The following RANBP17 variants were observed in gnomAD, a reference collection of about 807,000 sequenced individuals.
RANBP17 encodes the protein ran-binding protein 17.
A neutral mutation model predicts 141.2 loss-of-function variants in RANBP17; 158 were observed. The observed-to-expected ratio is 1.12, with a 90% CI of 0.98 to 1.28. RANBP17 has a LOEUF of 1.28. Among genes scored for constraint, RANBP17 ranks in the 50% most tolerant of loss-of-function variants. RANBP17 has a pLI of 0.00. For synonymous variants in RANBP17, 430 were observed against 450.0 expected (o/e 0.96, Z 0.56); for missense variants, 1,438 against 1,290.7 (o/e 1.11, Z -1.75).
intron 14 of RANBP17, among the ~76,000 whole-genome samples, chr5:170,977,102 G>C (rs1261331868): frequency 6.6e-6 from 1 of 151,960 alleles, no homozygotes; most frequent in Non-Finnish European, 1.5e-5. Context: ...ATTTCATAAA[G>C]GTCTCGCATC....
At chr5:171,188,367 C>T (rs372645021) in intron 18 of RANBP17, among the ~76,000 whole-genome samples, 1 of 152,144 alleles carries the variant, frequency 6.6e-6, no homozygotes, top group African/African-American at 2.4e-5. Context: ...TGAGAAGAGG[C>T]GCAGCCCCAG....
chr5:171,148,266 T>C (rs1214348981), intron 14 of RANBP17, among the ~76,000 whole-genome samples: 1 of 152,166 alleles, frequency 6.6e-6, no homozygotes, highest in Non-Finnish European at 1.5e-5. Flanking sequence ...GGCCGCAGGT[T>C]CCTCTGCCTA....
intron 25 of RANBP17, among the ~76,000 whole-genome samples, chr5:171,286,846 C>A (rs1768200843): frequency 6.6e-6 from 1 of 152,342 alleles, no homozygotes; most frequent in Admixed American, 6.5e-5. Context: ...GGTCTCCAAC[C>A]AGGGCATGGG....
chr5:171,027,893 A>G (rs547207140), intron 14 of RANBP17, among the ~76,000 whole-genome samples: 4 of 152,178 alleles, frequency 2.6e-5, no homozygotes, highest in Non-Finnish European at 5.9e-5. Context: ...TAGAGTAGCT[A>G]TTGAACTTTT....
intron 18 of RANBP17, among the ~76,000 whole-genome samples, chr5:171,198,536 C>A (rs542955658): frequency 1.3e-5 from 2 of 152,288 alleles, no homozygotes; most frequent in East Asian, 3.9e-4. Context: ...GTTTTTCGAA[C>A]ATTCACAGGC....
intron 14 of RANBP17, among the ~76,000 whole-genome samples, chr5:171,021,612 G>T (rs1003700451): frequency 6.6e-6 from 1 of 152,148 alleles, no homozygotes; most frequent in East Asian, 1.9e-4. Flanking sequence ...GTGTTATTCA[G>T]CTCCATCAGG....
Position 171,275,232 on chromosome 5 carries a change from AATATC to A in RANBP17, c.2943+9390_2943+9394del, listed in dbSNP as rs549649302. On this transcript the variant is annotated intron_variant, in intron 25 of 27. Coordinates refer to ENST00000523189, the MANE Select transcript of RANBP17 (RefSeq NM_022897.5). ...GTGCCTCAGCAGTGATTGATGGTTT[AATATC>A]ATATATAATTTTTTTAATGAAGGAA... Among the ~76,000 whole-genome samples, 581 of 152,342 alleles carry A rather than the reference AATATC, an allele frequency of 3.8e-3. 1 individual carries two copies. The highest frequency in any genetic ancestry group is 6.5e-3 in the Non-Finnish European group (445 of 68,042).
intron 14 of RANBP17, among the ~76,000 whole-genome samples, chr5:171,077,579 A>C (rs1785010225): frequency 6.6e-6 from 1 of 152,232 alleles, no homozygotes; most frequent in Admixed American, 6.5e-5. Flanking sequence ...AGTTCTATAA[A>C]AAAACACAAC....
chr5:170,997,280 G>A (rs1233603256), intron 14 of RANBP17, among the ~76,000 whole-genome samples: 1 of 152,178 alleles, frequency 6.6e-6, no homozygotes, highest in Non-Finnish European at 1.5e-5. Flanking sequence ...CCAGTCTTGG[G>A]CTGTTCTTTA....
At position 170,982,956 on chromosome 5, in the gene RANBP17, A is replaced by G. The variant is rs79495125; in HGVS notation, c.1710+14579A>G. The G allele has an allele frequency of 3.2e-3, 1,052 of 332,176 alleles. 24 individuals are homozygous for G. The East Asian group carries it at 0.045, about 14-fold the overall frequency. 20.6% of individuals were successfully genotyped at this position (332,176 alleles called of 1,614,324 possible). ...CTTGCCAATTTTGAGAAAGAAAATG[A>G]ATTTCAACTTAAAATTGTATATCCA... On this transcript the variant is annotated intron_variant, in intron 14 of 27. Coordinates refer to ENST00000523189, the MANE Select transcript of RANBP17 (RefSeq NM_022897.5).
intron 14 of RANBP17, among the ~76,000 whole-genome samples, chr5:171,016,903 G>GC (rs1236665862): frequency 1.9e-4 from 12 of 62,126 alleles, no homozygotes; most frequent in East Asian, 4.5e-4. Flanking sequence ...CCCTCCCCTT[G>GC]CCCCCCCACC....
intron 25 of RANBP17, among the ~76,000 whole-genome samples, chr5:171,277,138 A>T (rs1384743219): frequency 1.3e-5 from 2 of 152,034 alleles, no homozygotes; most frequent in African/African-American, 4.8e-5. Flanking sequence ...CTTTATGCTA[A>T]CATAACACAG....
chr5:171,048,482 T>TC (rs1158969773), intron 14 of RANBP17, among the ~76,000 whole-genome samples: 1 of 152,172 alleles, frequency 6.6e-6, no homozygotes, highest in African/African-American at 2.4e-5. Context: ...CCTTTTCTTT[T>TC]TTTTTTAACT....
chr5:171,060,683 G>T (rs1397432447), intron 14 of RANBP17, among the ~76,000 whole-genome samples: 1 of 152,032 alleles, frequency 6.6e-6, no homozygotes, highest in Non-Finnish European at 1.5e-5. Context: ...CTCATAAAAT[G>T]AGTTAGGGAG....
At chr5:171,253,089 G>T in intron 24 of RANBP17, 2 of 711,138 alleles carry the variant, frequency 2.8e-6, no homozygotes, top group South Asian at 1.6e-5. Flanking sequence ...AATGCAGGAA[G>T]CTCTGGGGGC....
chr5:171,168,620 G>C (rs533639937), intron 14 of RANBP17, among the ~76,000 whole-genome samples: 1 of 152,096 alleles, frequency 6.6e-6, no homozygotes, highest in African/African-American at 2.4e-5. Flanking sequence ...ATTGAGGATT[G>C]TTGGTAACTG....
intron 5 of RANBP17, chr5:170,897,087 T>C (rs1770194063): frequency 1.2e-6 from 1 of 829,020 alleles, no homozygotes; most frequent in African/African-American, 1.7e-5. Flanking sequence ...CCAGCTGTCT[T>C]GATTGACATG....
intron 16 of RANBP17, 89 bp downstream of exon 16, chr5:171,171,375 T>G: frequency 1.4e-6 from 1 of 726,968 alleles, no homozygotes; most frequent in Non-Finnish European, 2.2e-6. Flanking sequence ...TTTATAATTT[T>G]TGCAATTTTT....
chr5:170,951,751 C>A (rs1375524942), intron 12 of RANBP17, among the ~76,000 whole-genome samples: 1 of 151,914 alleles, frequency 6.6e-6, no homozygotes, highest in Non-Finnish European at 1.5e-5. Flanking sequence ...TGAAGCTGTT[C>A]AAAAAGTGAT....
Sources: gnomAD v4.1 joint callset for allele counts (sites outside exome capture counted in the v4.1 genomes callset) on GRCh38, gnomAD v4.1.1 for gene constraint, MANE v1.5 for transcripts, NCBI Gene and HGNC (gene_info 2026-07-23, HGNC 2026-07-21) for gene names.